The following LRRC28 variants were observed in gnomAD, a reference collection of about 807,000 sequenced individuals.
LRRC28 encodes leucine-rich repeat-containing protein 28.
Under a neutral mutation model 45.7 loss-of-function variants are expected in LRRC28, and 39 were observed. That is an observed-to-expected ratio of 0.85 (90% CI 0.66 to 1.12). The LOEUF (loss-of-function observed/expected upper bound fraction) is 1.12. Ranked by LOEUF, LRRC28 falls within the 50% of genes most tolerant of loss-of-function variation. LRRC28 has a pLI of 0.00. For missense variants in LRRC28, 435 were observed against 438.5 expected, an observed-to-expected ratio of 0.99 and a Z score of 0.07; for synonymous variants, 206 against 178.8, an observed-to-expected ratio of 1.15 and a Z score of -1.22.
chr15:99,276,916 A>G (rs2081632040), intron 3 of LRRC28, among the ~76,000 whole-genome samples: 2 of 152,174 alleles, frequency 1.3e-5, no homozygotes, highest in Admixed American at 1.3e-4. Flanking sequence ...GTAATTGGGA[A>G]AATCTATTAT....
chr15:99,344,951 G>C (rs1956631949), intron 6 of LRRC28, among the ~76,000 whole-genome samples: 1 of 152,186 alleles, frequency 6.6e-6, no homozygotes, highest in Non-Finnish European at 1.5e-5. Context: ...ATGCCAAAGA[G>C]AATTCTCTCT....
At chr15:99,327,500 A>G (rs545114647) in intron 5 of LRRC28, among the ~76,000 whole-genome samples, 1 of 152,308 alleles carries the variant, frequency 6.6e-6, no homozygotes, top group East Asian at 1.9e-4. Context: ...TGTTCATATT[A>G]TAGTATGTCC....
intron 6 of LRRC28, among the ~76,000 whole-genome samples, chr15:99,343,451 A>C (rs1956582247): frequency 6.6e-6 from 1 of 152,194 alleles, no homozygotes; most frequent in African/African-American, 2.4e-5. Flanking sequence ...AAGCAAACAA[A>C]CAAACAGAAT....
At chr15:99,289,324 A>C (rs1466918072) in intron 5 of LRRC28, among the ~76,000 whole-genome samples, 1 of 152,240 alleles carries the variant, frequency 6.6e-6, no homozygotes, top group East Asian at 1.9e-4. Flanking sequence ...GAATGAGCAG[A>C]GAAAGATACA....
intron 6 of LRRC28, among the ~76,000 whole-genome samples, chr15:99,340,272 G>GAAACT (rs1313565830): frequency 3.9e-5 from 6 of 152,354 alleles, no homozygotes; most frequent in African/African-American, 1.4e-4. Flanking sequence ...TGCAGTTTTA[G>GAAACT]AAACTAGCTC....
At chr15:99,287,330 T>A (rs758678939) in intron 4 of LRRC28, 36 bp downstream of exon 4, 6 of 1,441,778 alleles carry the variant, frequency 4.2e-6, no homozygotes, top group Non-Finnish European at 5.6e-6. Context: ...TAGAAGATAA[T>A]ATAATTTAAG....
At chr15:99,340,324 T>C (rs1488861968) in intron 6 of LRRC28, among the ~76,000 whole-genome samples, 5 of 152,250 alleles carry the variant, frequency 3.3e-5, no homozygotes, top group Admixed American at 1.3e-4. Flanking sequence ...CTTCTCTTTT[T>C]GTAAATGGCA....
chr15:99,335,189 T>C (rs1419617692), intron 6 of LRRC28, among the ~76,000 whole-genome samples: 1 of 152,178 alleles, frequency 6.6e-6, no homozygotes. Flanking sequence ...ATGTACCTGC[T>C]GCACTAACCC....
rs757846389 is a variant in LRRC28, at chr15:99,256,013, A to C, written c.56A>C (p.Asn19Thr). The change falls in exon 2 of 10, where the codon AAT becomes ACT. Residue 19 changes from asparagine (N) to threonine (T), a missense_variant. Coordinates refer to ENST00000301981, the MANE Select transcript of LRRC28 (RefSeq NM_144598.5). ...GTGGCAAGGCTAGAAAAGCACAAGA[A>C]TTTGTTCTTAAATTATAGGAATCTG... ...ISVARLEKHK[N>T]LFLNYRNLHH... 2 of 1,613,424 alleles carry C rather than the reference A, an allele frequency of 1.2e-6. No homozygotes were observed. The highest frequency in any genetic ancestry group is 1.3e-5 in the African/African-American group (1 of 74,890).
chr15:99,266,017 A>AT (rs940796850), intron 2 of LRRC28, among the ~76,000 whole-genome samples: 25 of 152,328 alleles, frequency 1.6e-4, no homozygotes, highest in African/African-American at 6.0e-4. Flanking sequence ...AGGTATCCAA[A>AT]TTTTAATGAA....
chr15:99,381,527 C>A (rs1957823274), intron 9 of LRRC28, among the ~76,000 whole-genome samples: 1 of 152,232 alleles, frequency 6.6e-6, no homozygotes, highest in Non-Finnish European at 1.5e-5. Flanking sequence ...CTTCTTCTCT[C>A]AACTCGTCAA....
At chr15:99,376,345 A>T (rs1183568022) in intron 9 of LRRC28, among the ~76,000 whole-genome samples, 1 of 151,964 alleles carries the variant, frequency 6.6e-6, no homozygotes, top group African/African-American at 2.4e-5. Flanking sequence ...CAAAGAACAT[A>T]CTCTATGATT....
chr15:99,258,440 T>TC, intron 2 of LRRC28: 1 of 875,486 alleles, frequency 1.1e-6, no homozygotes, highest in Non-Finnish European at 1.9e-6. Context: ...TATTCACAGT[T>TC]CATAAACTTT....
In LRRC28 at chr15:99,373,726, C is replaced by G. The variant is rs1463124013; in HGVS notation, c.1031+10461C>G. ...TAATAACTCAAAATTTACAGAATTTCCTGAGTTAAGAAAAAAATTCAAAAG... is the reference window on the plus strand; with the variant it reads ...TAATAACTCAAAATTTACAGAATTTGCTGAGTTAAGAAAAAAATTCAAAAG... On this transcript the variant is annotated intron_variant, in intron 9 of 9. Transcript: ENST00000301981. Among the ~76,000 whole-genome samples, 3 of 152,052 alleles carry G rather than the reference C, an allele frequency of 2.0e-5. 1 individual carries two copies. The East Asian group carries it at 5.8e-4, about 29-fold the overall frequency.
At chr15:99,347,394 A>G (rs1009656793) in intron 6 of LRRC28, among the ~76,000 whole-genome samples, 10 of 152,180 alleles carry the variant, frequency 6.6e-5, no homozygotes, top group Non-Finnish European at 1.3e-4. Flanking sequence ...TATTTTTAGT[A>G]GAGACGGTTC....
chr15:99,336,497 G>A (rs898958941), intron 6 of LRRC28, among the ~76,000 whole-genome samples: 8 of 152,150 alleles, frequency 5.3e-5, no homozygotes, highest in East Asian at 1.9e-4. Flanking sequence ...TTGTGTGGCC[G>A]TTTCCAGTGT....
At chr15:99,367,045 A>G (rs1957359549) in intron 9 of LRRC28, among the ~76,000 whole-genome samples, 1 of 152,178 alleles carries the variant, frequency 6.6e-6, no homozygotes, top group Admixed American at 6.6e-5. Flanking sequence ...TAAGGCCATC[A>G]GTTTCTAGAC....
At chr15:99,261,560 G>C (rs2081199480) in intron 2 of LRRC28, among the ~76,000 whole-genome samples, 1 of 152,062 alleles carries the variant, frequency 6.6e-6, no homozygotes, top group African/African-American at 2.4e-5. Context: ...CTCTTTTAAA[G>C]GACACTAATT....
chr15:99,320,973 A>G (rs1339171845), intron 5 of LRRC28, among the ~76,000 whole-genome samples: 2 of 152,216 alleles, frequency 1.3e-5, no homozygotes, highest in African/African-American at 4.8e-5. Flanking sequence ...ACAAAAGAAC[A>G]TCATTCTTAC....
Sources: allele counts gnomAD v4.1 joint callset (sites outside exome capture counted in the v4.1 genomes callset), GRCh38; gene constraint gnomAD v4.1.1; transcripts MANE v1.5; gene names NCBI Gene and HGNC (gene_info 2026-07-23, HGNC 2026-07-21).